The following ITFG1 variants were observed in gnomAD, a reference collection of about 807,000 sequenced individuals.
ITFG1 encodes the protein T-cell immunomodulatory protein.
ITFG1 carries 34 observed loss-of-function variants against 81.8 expected under a neutral mutation model. The ratio of observed to expected loss-of-function variants is 0.42; its 90% CI spans 0.32 to 0.55. ITFG1 has a LOEUF of 0.55. Ranked by LOEUF, ITFG1 falls within the 20% of genes least tolerant of loss-of-function variation. ITFG1 has a pLI of 0.17. For synonymous variants in ITFG1, 285 were observed against 270.6 expected, an observed-to-expected ratio of 1.05 and a Z score of -0.52; for missense variants, 672 against 755.4, an observed-to-expected ratio of 0.89 and a Z score of 1.29.
At chr16:47,177,311 C>T (rs942063649) in intron 14 of ITFG1, among the ~76,000 whole-genome samples, 20 of 152,166 alleles carry the variant, frequency 1.3e-4, no homozygotes, top group African/African-American at 4.1e-4. Flanking sequence ...AATTATCATA[C>T]TCCCTTGTTT....
intron 8 of ITFG1, among the ~76,000 whole-genome samples, chr16:47,351,588 C>T (rs1239856166): frequency 1.3e-5 from 2 of 152,174 alleles, no homozygotes; most frequent in Non-Finnish European, 2.9e-5. Context: ...AAGAACATTC[C>T]ATGCTCATGG....
chr16:47,456,124 C>G (rs1025103324), intron 2 of ITFG1, among the ~76,000 whole-genome samples: 1 of 152,024 alleles, frequency 6.6e-6, no homozygotes, highest in African/African-American at 2.4e-5. Context: ...AGCTTGAGCC[C>G]AGGATTAGGT....
At chr16:47,257,702 C>G (rs1303962903) in intron 12 of ITFG1, among the ~76,000 whole-genome samples, 1 of 152,054 alleles carries the variant, frequency 6.6e-6, no homozygotes, top group African/African-American at 2.4e-5. Flanking sequence ...AATGTGTAGA[C>G]TTGTATGTAC....
chr16:47,186,657 C>T (rs1965222111), intron 14 of ITFG1, among the ~76,000 whole-genome samples: 1 of 152,196 alleles, frequency 6.6e-6, no homozygotes, highest in Non-Finnish European at 1.5e-5. Flanking sequence ...CAATATCATA[C>T]TGAATGGGCA....
chr16:47,343,658 CT>C (rs1389996309), intron 8 of ITFG1, among the ~76,000 whole-genome samples: 1 of 152,092 alleles, frequency 6.6e-6, no homozygotes, highest in African/African-American at 2.4e-5. Context: ...CGAAAAACCA[CT>C]TCACATCTAC....
intron 6 of ITFG1, among the ~76,000 whole-genome samples, chr16:47,382,406 A>G (rs1056544539): frequency 2.9e-4 from 44 of 152,206 alleles, no homozygotes; most frequent in African/African-American, 1.0e-3. Context: ...TTCAACTTTT[A>G]AGTTCATTAT....
chr16:47,206,019 C>T (rs559724197), intron 14 of ITFG1, among the ~76,000 whole-genome samples: 81 of 152,188 alleles, frequency 5.3e-4, no homozygotes, highest in African/African-American at 1.9e-3. Flanking sequence ...GCGCCCGCCA[C>T]CACGCCTGGC....
At chr16:47,399,533 G>A (rs1471962869) in intron 6 of ITFG1, among the ~76,000 whole-genome samples, 8 of 151,082 alleles carry the variant, frequency 5.3e-5, no homozygotes, top group Non-Finnish European at 1.0e-4. Context: ...AGATCACGCC[G>A]CTGCACTCCA....
chr16:47,370,065 C>T (rs1295944073), intron 7 of ITFG1, among the ~76,000 whole-genome samples: 1 of 152,020 alleles, frequency 6.6e-6, no homozygotes, highest in Admixed American at 6.5e-5. Flanking sequence ...TGGTCTTAAT[C>T]TCCTGACCTC....
chr16:47,164,161 CTGTT>C (rs1468698150), intron 14 of ITFG1, among the ~76,000 whole-genome samples: 1 of 146,820 alleles, frequency 6.8e-6, no homozygotes, highest in Non-Finnish European at 1.5e-5. Context: ...TGTTTTGTTA[CTGTT>C]TATTTGTTTA....
chr16:47,243,180 A>C (rs1268407985), intron 12 of ITFG1, among the ~76,000 whole-genome samples: 1 of 152,188 alleles, frequency 6.6e-6, no homozygotes, highest in Non-Finnish European at 1.5e-5. Context: ...TTCAGTAGTT[A>C]AAGAAGTTTA....
chr16:47,428,634 T>G (rs2151609509), intron 6 of ITFG1, among the ~76,000 whole-genome samples, 170 bp downstream of exon 6: 1 of 152,336 alleles, frequency 6.6e-6, no homozygotes, highest in East Asian at 1.9e-4. Flanking sequence ...AAAGACTTAT[T>G]TATTACAGTC....
At chr16:47,346,098 C>A (rs1157205123) in intron 8 of ITFG1, among the ~76,000 whole-genome samples, 2 of 152,180 alleles carry the variant, frequency 1.3e-5, no homozygotes, top group Admixed American at 6.5e-5. Context: ...GGAACATTCT[C>A]CAAGATGTGT....
chr16:47,204,135 A>C lies in ITFG1; in HGVS notation c.1453+14733T>G, dbSNP rs550603723. On this transcript the variant is annotated intron_variant, in intron 14 of 17. Coordinates refer to ENST00000320640, the MANE Select transcript of ITFG1 (RefSeq NM_030790.5). ...GAAAAACTGTCCATGGTCCCATATA[A>C]AAATGTAATTTTGTCCAATACATAT... Among the ~76,000 whole-genome samples, 7 of 152,320 alleles carry C rather than the reference A, an allele frequency of 4.6e-5. No homozygotes were observed. In the South Asian group the frequency reaches 1.5e-3, roughly 32 times the overall value.
At chr16:47,356,147 C>T (rs1207133830) in intron 8 of ITFG1, among the ~76,000 whole-genome samples, 1 of 152,164 alleles carries the variant, frequency 6.6e-6, no homozygotes, top group African/African-American at 2.4e-5. Flanking sequence ...GGTCAAGTTT[C>T]TTAACTTCTC....
intron 2 of ITFG1, among the ~76,000 whole-genome samples, chr16:47,457,120 G>C (rs1207875289): frequency 6.6e-6 from 1 of 152,102 alleles, no homozygotes; most frequent in Admixed American, 6.6e-5. Context: ...GACCAGCCTG[G>C]CCAACATGGT....
chr16:47,315,982 A>C (rs920307356), intron 8 of ITFG1, among the ~76,000 whole-genome samples: 4 of 151,876 alleles, frequency 2.6e-5, no homozygotes, highest in Non-Finnish European at 4.4e-5. Context: ...GTAGAGTCCG[A>C]GTTTCGCCAT....
intron 8 of ITFG1, among the ~76,000 whole-genome samples, chr16:47,341,217 C>A (rs1378466829): frequency 1.3e-5 from 2 of 150,748 alleles, no homozygotes; most frequent in African/African-American, 4.9e-5. Context: ...GAGTTTGAGA[C>A]CAGACTGGGC....
At chr16:47,357,325 T>C (rs2151584014) in intron 8 of ITFG1, among the ~76,000 whole-genome samples, 1 of 152,010 alleles carries the variant, frequency 6.6e-6, no homozygotes, top group Non-Finnish European at 1.5e-5. Context: ...ATTAAAAAAA[T>C]TAAATGCGGC....
Sources: gnomAD v4.1 joint callset for allele counts (sites outside exome capture counted in the v4.1 genomes callset) on GRCh38, gnomAD v4.1.1 for gene constraint, MANE v1.5 for transcripts, NCBI Gene and HGNC (gene_info 2026-07-23, HGNC 2026-07-21) for gene names.